Variants in CDH13 observed in about 807,000 individuals in gnomAD.
CDH13 encodes cadherin-13.
CDH13 carries 24 observed loss-of-function variants against 63.8 expected under a neutral mutation model. The ratio of observed to expected loss-of-function variants is 0.38; its 90% CI spans 0.27 to 0.53. The LOEUF is 0.53. Ranked by LOEUF, CDH13 falls within the 20% of genes least tolerant of loss-of-function variation. The pLI is 0.85. For missense variants in CDH13, 1,049 were observed against 903.1 expected, an observed-to-expected ratio of 1.16 and a Z score of -2.07; for synonymous variants, 503 against 355.3, an observed-to-expected ratio of 1.42 and a Z score of -4.67.
intron 4 of CDH13, among the ~76,000 whole-genome samples, chr16:83,214,909 A>G (rs571632888): frequency 4.6e-5 from 7 of 151,998 alleles, no homozygotes; most frequent in Admixed American, 6.6e-5. Context: ...CATTCTCGCT[A>G]CTTGCCAGCC....
intron 2 of CDH13, among the ~76,000 whole-genome samples, chr16:82,872,691 A>C (rs1358223921): frequency 6.6e-6 from 1 of 152,200 alleles, no homozygotes; most frequent in African/African-American, 2.4e-5. Context: ...AAGAGGTACA[A>C]ATGCTTGCCA....
chr16:83,549,927 A>G (rs927088743), intron 7 of CDH13, among the ~76,000 whole-genome samples: 1 of 152,176 alleles, frequency 6.6e-6, no homozygotes, highest in Non-Finnish European at 1.5e-5. Context: ...AACTGTATGC[A>G]TGCCAGTCTT....
At chr16:83,285,506 CA>C (rs778496836) in intron 5 of CDH13, among the ~76,000 whole-genome samples, 3 of 149,820 alleles carry the variant, frequency 2.0e-5, no homozygotes, top group Non-Finnish European at 3.0e-5. Flanking sequence ...GGAAAATATT[CA>C]GGGAAAAAAA....
intron 1 of CDH13, among the ~76,000 whole-genome samples, chr16:82,720,075 G>C (rs1433171124): frequency 3.3e-5 from 5 of 151,936 alleles, no homozygotes; most frequent in Non-Finnish European, 7.4e-5. Flanking sequence ...ATTAAACATT[G>C]AAATAAAGAT....
In CDH13 at chr16:82,757,651, T is replaced by C. The variant is rs1468963021; in HGVS notation, c.46-100711T>C. ...TAACGCCATAGCTTTTTTTTTGTTT[T>C]TTTTTTTTTTGGGGACAGAGTCTCT... On this transcript the variant is annotated intron_variant, in intron 1 of 13. Coordinates refer to ENST00000567109, the MANE Select transcript of CDH13 (RefSeq NM_001257.5). Among the ~76,000 whole-genome samples the C allele has an allele frequency of 3.0e-5, 3 of 101,040 alleles. No individual in the cohort carries two copies. The East Asian group carries it at 8.6e-4, about 29-fold the overall frequency. The allele number at this position is 101,040 out of a possible 152,430, so 66.3% of individuals were successfully genotyped here.
At chr16:82,715,641 C>T (rs578250228) in intron 1 of CDH13, among the ~76,000 whole-genome samples, 2 of 152,058 alleles carry the variant, frequency 1.3e-5, no homozygotes, top group African/African-American at 4.8e-5. Flanking sequence ...ATACACATCC[C>T]CACCGTCTGT....
intron 1 of CDH13, among the ~76,000 whole-genome samples, chr16:82,785,839 G>T (rs12927253): frequency 0.28 from 42,503 of 152,100 alleles, 6,324 homozygotes; most frequent in East Asian, 0.52. Flanking sequence ...TCTCAGCAAG[G>T]CAAGTTACTT....
At chr16:83,539,615 C>T (rs35051319) in intron 7 of CDH13, among the ~76,000 whole-genome samples, 55,497 of 152,062 alleles carry the variant, frequency 0.36, 11,348 homozygotes, top group Non-Finnish European at 0.45. Context: ...TTGGTAACAG[C>T]GATAATGATA....
At chr16:82,703,431 A>G (rs532100265) in intron 1 of CDH13, among the ~76,000 whole-genome samples, 1 of 152,150 alleles carries the variant, frequency 6.6e-6, no homozygotes, top group Non-Finnish European at 1.5e-5. Flanking sequence ...TCAGCTCTCA[A>G]CCAGGGATGA....
At chr16:83,132,170 A>G (rs1290766824) in intron 4 of CDH13, among the ~76,000 whole-genome samples, 3 of 152,100 alleles carry the variant, frequency 2.0e-5, no homozygotes, top group African/African-American at 7.2e-5. Flanking sequence ...AGACCAAGCT[A>G]TATCCTTAGA....
intron 5 of CDH13, among the ~76,000 whole-genome samples, chr16:83,327,214 CAT>C (rs2090384685): frequency 6.6e-6 from 1 of 152,190 alleles, no homozygotes; most frequent in South Asian, 2.1e-4. Flanking sequence ...AGAACAAAAT[CAT>C]ATACTATCAG....
chr16:83,673,373 C>G (rs939419640), intron 9 of CDH13, among the ~76,000 whole-genome samples: 1 of 152,170 alleles, frequency 6.6e-6, no homozygotes, highest in African/African-American at 2.4e-5. Flanking sequence ...CATCCCCGCT[C>G]AGGAGTACTA....
intron 3 of CDH13, among the ~76,000 whole-genome samples, chr16:83,043,110 G>C (rs1179437231): frequency 6.6e-6 from 1 of 152,166 alleles, no homozygotes; most frequent in Non-Finnish European, 1.5e-5. Context: ...GTTACATCTT[G>C]ACACATGCCT....
intron 5 of CDH13, among the ~76,000 whole-genome samples, chr16:83,299,319 C>T (rs2089677901): frequency 6.6e-6 from 1 of 151,232 alleles, no homozygotes; most frequent in African/African-American, 2.4e-5. Flanking sequence ...ATGAATTCCC[C>T]AGAACATTAT....
intron 8 of CDH13, among the ~76,000 whole-genome samples, chr16:83,664,164 AAGG>A (rs542717700): frequency 6.6e-6 from 1 of 152,152 alleles, no homozygotes; most frequent in Non-Finnish European, 1.5e-5. Flanking sequence ...TCAAAAAAAA[AAGG>A]AGAAGAAAAA....
chr16:83,705,139 T>C (rs1423171363), intron 10 of CDH13, among the ~76,000 whole-genome samples: 1 of 152,184 alleles, frequency 6.6e-6, no homozygotes, highest in East Asian at 1.9e-4. Flanking sequence ...GAATTTAAGG[T>C]CATTTGAGGT....
At chr16:83,173,622 A>G (rs969777306) in intron 4 of CDH13, among the ~76,000 whole-genome samples, 2 of 152,142 alleles carry the variant, frequency 1.3e-5, no homozygotes, top group Admixed American at 1.3e-4. Flanking sequence ...GTGTTTGTTT[A>G]TCTGAAATTC....
chr16:83,244,714 T>TA (rs1468397155), intron 5 of CDH13, among the ~76,000 whole-genome samples: 1 of 152,148 alleles, frequency 6.6e-6, no homozygotes, highest in Non-Finnish European at 1.5e-5. Flanking sequence ...TAAAGGCACA[T>TA]AGGCAATGAC....
intron 1 of CDH13, chr16:82,637,532 G>T (rs188226669): frequency 7.0e-6 from 1 of 142,366 alleles, no homozygotes; most frequent in African/African-American, 2.6e-5. Context: ...CCGGGTTCAC[G>T]CCGTTCTCCT....
Sources: gnomAD v4.1 joint callset for allele counts (sites outside exome capture counted in the v4.1 genomes callset) on GRCh38, gnomAD v4.1.1 for gene constraint, MANE v1.5 for transcripts, NCBI Gene and HGNC (gene_info 2026-07-23, HGNC 2026-07-21) for gene names.